The following LRP1B variants were observed in gnomAD, a reference collection of about 807,000 sequenced individuals.
LRP1B encodes low-density lipoprotein receptor-related protein 1B.
In LRP1B, 217 loss-of-function variants were observed where a neutral mutation model predicts 556.6. The ratio of observed to expected loss-of-function variants is 0.39; its 90% CI spans 0.35 to 0.44. The LOEUF (loss-of-function observed/expected upper bound fraction) is 0.44, where lower values mean the gene tolerates loss of function less well. LRP1B is among the 20% of genes least tolerant of loss of function. The probability of loss-of-function intolerance (pLI) is 1.00; values close to 1 mark genes in which losing one functional copy is unlikely to be tolerated. For synonymous variants in LRP1B, 2,047 were observed against 1,865.8 expected (o/e 1.10, Z -2.50); for missense variants, 5,053 against 5,620.8 (o/e 0.90, Z 3.23).
intron 1 of LRP1B, among the ~76,000 whole-genome samples, chr2:142,124,035 GTTTTT>G (rs202186553): frequency 1.3e-5 from 2 of 151,182 alleles, no homozygotes; most frequent in Admixed American, 6.6e-5. Context: ...AGAAAAACAT[GTTTTT>G]TTTAATTTTA....
intron 1 of LRP1B, among the ~76,000 whole-genome samples, chr2:142,022,263 C>T (rs16847932): frequency 6.6e-6 from 1 of 150,646 alleles, no homozygotes; most frequent in Non-Finnish European, 1.5e-5. Flanking sequence ...AAAATGAGCT[C>T]TTAAAACATA....
intron 1 of LRP1B, among the ~76,000 whole-genome samples, chr2:141,975,975 C>T (rs997690435): frequency 6.6e-6 from 1 of 151,586 alleles, no homozygotes; most frequent in African/African-American, 2.4e-5. Context: ...TGCTGAAATG[C>T]TTTCTATGTT....
At chr2:140,318,628 A>G (rs568605920) in intron 82 of LRP1B, among the ~76,000 whole-genome samples, 1 of 147,954 alleles carries the variant, frequency 6.8e-6, no homozygotes, top group Non-Finnish European at 1.5e-5. Context: ...AGAATTTCCA[A>G]TAACTCTGGA....
At chr2:141,120,608 C>G (rs752075869) in intron 7 of LRP1B, among the ~76,000 whole-genome samples, 2 of 151,914 alleles carry the variant, frequency 1.3e-5, no homozygotes, top group African/African-American at 2.4e-5. Flanking sequence ...CGAACATTGA[C>G]AAATTCATTT....
intron 20 of LRP1B, among the ~76,000 whole-genome samples, chr2:140,939,614 T>C (rs1397313861): frequency 6.6e-6 from 1 of 150,770 alleles, no homozygotes; most frequent in Non-Finnish European, 1.5e-5. Context: ...AGATATCACA[T>C]ATGACCCAGC....
chr2:141,907,264 A>G (rs563055754), intron 1 of LRP1B, among the ~76,000 whole-genome samples: 1 of 152,050 alleles, frequency 6.6e-6, no homozygotes, highest in South Asian at 2.1e-4. Flanking sequence ...ATGAAAGGTC[A>G]AATTTCATAG....
At chr2:141,174,433 T>C (rs567573863) in intron 7 of LRP1B, among the ~76,000 whole-genome samples, 1 of 152,160 alleles carries the variant, frequency 6.6e-6, no homozygotes, top group Non-Finnish European at 1.5e-5. Flanking sequence ...TGGAAGGTGA[T>C]TGGATCATGT....
At chr2:142,106,123 C>G (rs1171759597) in intron 1 of LRP1B, among the ~76,000 whole-genome samples, 2 of 152,094 alleles carry the variant, frequency 1.3e-5, no homozygotes, top group Non-Finnish European at 2.9e-5. Flanking sequence ...ACACATTTTT[C>G]AAAGTACAAT....
chr2:140,532,355 C>T (rs936585440), intron 47 of LRP1B, among the ~76,000 whole-genome samples: 1 of 151,802 alleles, frequency 6.6e-6, no homozygotes, highest in Non-Finnish European at 1.5e-5. Flanking sequence ...GCCCTGGCTC[C>T]TTCCCATACC....
intron 41 of LRP1B, among the ~76,000 whole-genome samples, chr2:140,660,198 T>C (rs1685041695): frequency 6.6e-6 from 1 of 152,112 alleles, no homozygotes; most frequent in Admixed American, 6.5e-5. Flanking sequence ...AGTAACTTTT[T>C]CTGGGTTCGT....
chr2:141,662,045 G>T (rs1026643283), intron 2 of LRP1B, among the ~76,000 whole-genome samples: 11 of 152,142 alleles, frequency 7.2e-5, no homozygotes, highest in African/African-American at 2.7e-4. Flanking sequence ...TTAAAGAAAG[G>T]AATTTCCAAT....
At chr2:142,022,866 G>A (rs1248620254) in intron 1 of LRP1B, among the ~76,000 whole-genome samples, 2 of 151,888 alleles carry the variant, frequency 1.3e-5, no homozygotes, top group Admixed American at 6.6e-5. Context: ...TAGTAGAGTC[G>A]GGGTTTCACC....
intron 2 of LRP1B, among the ~76,000 whole-genome samples, chr2:141,797,012 A>C (rs547056627): frequency 5.8e-4 from 88 of 151,380 alleles, no homozygotes; most frequent in African/African-American, 2.1e-3. Flanking sequence ...TTTCCTATTT[A>C]TGTGAAGAAA....
At chr2:141,671,069 T>G (rs1159591468) in intron 2 of LRP1B, among the ~76,000 whole-genome samples, 11 of 152,200 alleles carry the variant, frequency 7.2e-5, no homozygotes, top group Non-Finnish European at 1.6e-4. Context: ...TGGTAGACTC[T>G]AATCTAATTT....
chr2:141,192,536 G>GT (rs773385238), intron 6 of LRP1B, among the ~76,000 whole-genome samples: 5 of 151,686 alleles, frequency 3.3e-5, no homozygotes, highest in Non-Finnish European at 7.4e-5. Flanking sequence ...TTGCTTTACT[G>GT]TTACTGGAAC....
intron 41 of LRP1B, among the ~76,000 whole-genome samples, chr2:140,696,065 T>A (rs1686419556): frequency 6.6e-6 from 1 of 152,208 alleles, no homozygotes; most frequent in Non-Finnish European, 1.5e-5. Flanking sequence ...AGTTAAATAC[T>A]TAAAACATGA....
intron 1 of LRP1B, among the ~76,000 whole-genome samples, chr2:141,821,992 A>T (rs1696764970): frequency 6.6e-6 from 1 of 151,956 alleles, no homozygotes; most frequent in African/African-American, 2.4e-5. Context: ...AATCATTGAA[A>T]CACTGGTAGG....
Position 140,573,196 on chromosome 2 carries a change from T to C in LRP1B, c.7194+25435A>G, listed in dbSNP as rs1681394614. On this transcript the variant is annotated intron_variant, in intron 43 of 90. Transcript: ENST00000389484. Reference sequence around the variant, plus strand: ...ATGCAAATGGTGATGGTTAACATAATTTCATCATTACATACTGTATACATG... The same window carrying C: ...ATGCAAATGGTGATGGTTAACATAACTTCATCATTACATACTGTATACATG... Among the ~76,000 whole-genome samples, 5 of 151,928 alleles carry C rather than the reference T, an allele frequency of 3.3e-5. No homozygotes were observed. The South Asian group carries it at 1.0e-3, about 31-fold the overall frequency.
intron 1 of LRP1B, among the ~76,000 whole-genome samples, chr2:142,119,062 T>C (rs1285120861): frequency 6.6e-6 from 1 of 152,154 alleles, no homozygotes. Flanking sequence ...AGTAAGCTCT[T>C]TACACAACAA....
Sources: gnomAD v4.1 joint callset for allele counts (sites outside exome capture counted in the v4.1 genomes callset) on GRCh38, gnomAD v4.1.1 for gene constraint, MANE v1.5 for transcripts, NCBI Gene and HGNC (gene_info 2026-07-23, HGNC 2026-07-21) for gene names.